The following GLS variants were observed in gnomAD, a reference collection of about 807,000 sequenced individuals.
The protein encoded by GLS is glutaminase, also known as glutaminase kidney isoform, mitochondrial.
Under a neutral mutation model 86.7 loss-of-function variants are expected in GLS, and 36 were observed. The observed-to-expected ratio is 0.42, with a 90% CI of 0.32 to 0.55. The LOEUF (loss-of-function observed/expected upper bound fraction) is 0.55, where lower values mean the gene tolerates loss of function less well. Among genes scored for constraint, GLS ranks in the 20% least tolerant of loss-of-function variants. GLS has a pLI of 0.17. For missense variants in GLS, 528 were observed against 833.4 expected (o/e 0.63, Z 4.51); for synonymous variants, 317 against 305.9 (o/e 1.04, Z -0.38).
intron 14 of GLS, among the ~76,000 whole-genome samples, chr2:190,946,482 A>G (rs1475614655): frequency 1.3e-5 from 2 of 152,162 alleles, no homozygotes; most frequent in East Asian, 3.8e-4. Flanking sequence ...GTAGAAACAG[A>G]AGGATGTTTT....
chr2:190,931,856 T>C (rs1422019566), intron 14 of GLS, among the ~76,000 whole-genome samples: 1 of 152,040 alleles, frequency 6.6e-6, no homozygotes, highest in Non-Finnish European at 1.5e-5. Context: ...TATTTAAATA[T>C]TGCTGTTTTG....
intron 7 of GLS, among the ~76,000 whole-genome samples, chr2:190,915,632 G>A (rs1018599289): frequency 1.3e-5 from 2 of 152,042 alleles, no homozygotes; most frequent in Non-Finnish European, 1.5e-5. Flanking sequence ...TTCTAGATGC[G>A]CCTTTTAAAA....
Position 190,905,796 on chromosome 2 carries a change from A to G in GLS, c.979+629A>G, listed in dbSNP as rs1246507988. Reference sequence around the variant, plus strand: ...TCTAAACATCATTTAGCTGAGTGCAAACTAAGTTAAACTAGTCCCATGGTT... The same window carrying G: ...TCTAAACATCATTTAGCTGAGTGCAGACTAAGTTAAACTAGTCCCATGGTT... On this transcript the variant is annotated intron_variant, in intron 6 of 17. Coordinates refer to ENST00000320717, the MANE Select transcript of GLS (RefSeq NM_014905.5). The surrounding 1 kb of genome is among the most constrained non-coding windows in gnomAD (Gnocchi z 4.6). 1.3e-5 allele frequency among the ~76,000 whole-genome samples: 2 copies of G among 152,110 alleles called. No homozygotes were observed. Among genetic ancestry groups the G allele is most frequent in the African/African-American group, 4.8e-5 (2 of 41,438 alleles).
intron 3 of GLS, among the ~76,000 whole-genome samples, chr2:190,900,022 A>G (rs1000619400): frequency 2.7e-5 from 3 of 113,022 alleles, no homozygotes; most frequent in Non-Finnish European, 4.8e-5. Flanking sequence ...TATTTTTACA[A>G]GCATATCAAC....
In GLS at chr2:190,953,441, A is replaced by G. The variant is rs2124948114; in HGVS notation, c.1651-124A>G. ...TTTTGGCTATGGAAGTGTCCTTGAG[A>G]TCACTTTTTGCACGTGACTCAGCTG... On this transcript the variant is annotated intron_variant, in intron 14 of 17. Coordinates refer to ENST00000320717, the MANE Select transcript of GLS (RefSeq NM_014905.5). The surrounding 1 kb of genome is among the most constrained non-coding windows in gnomAD (Gnocchi z 4.0). 1 of 678,646 alleles carries G rather than the reference A, an allele frequency of 1.5e-6. No homozygotes were observed. The highest frequency in any genetic ancestry group is 1.8e-5 in the South Asian group (1 of 54,916). The allele number at this position is 678,646 out of a possible 1,614,324, so 42.0% of individuals were successfully genotyped here. A position where few individuals can be genotyped will look rare whatever the true frequency, so the allele number is the denominator to read the frequency against.
chr2:190,884,415 A>G (rs1476234842), intron 1 of GLS, among the ~76,000 whole-genome samples: 1 of 152,212 alleles, frequency 6.6e-6, no homozygotes, highest in Non-Finnish European at 1.5e-5. Flanking sequence ...GAGTAATTTT[A>G]GAGTTTTAAT....
intron 14 of GLS, among the ~76,000 whole-genome samples, chr2:190,940,014 A>G (rs1350449262): frequency 2.0e-5 from 3 of 151,848 alleles, no homozygotes. Flanking sequence ...TCAGTTCCGT[A>G]TCTTTATATA....
At chr2:190,901,847 A>G (rs1688952394) in intron 4 of GLS, 100 bp from the exon 5 acceptor site, 4 of 754,464 alleles carry the variant, frequency 5.3e-6, no homozygotes, top group East Asian at 2.6e-5. Flanking sequence ...ATAACTAGTC[A>G]TTGGTAGAAG....
At chr2:190,908,950 AT>A (rs2124864032) in intron 6 of GLS, among the ~76,000 whole-genome samples, 1 of 152,354 alleles carries the variant, frequency 6.6e-6, no homozygotes, top group Non-Finnish European at 1.5e-5. Context: ...GAGTACATAG[AT>A]TAGCAGTCTT....
In GLS at chr2:190,935,229, GTACCTT is replaced by G. The variant is rs1170520559; in HGVS notation, c.1650+3595_1650+3600del. 1 of 799,390 alleles carries G rather than the reference GTACCTT, an allele frequency of 1.3e-6. No homozygotes were observed. Among genetic ancestry groups the G allele is most frequent in the Non-Finnish European group, 1.5e-6 (1 of 660,652 alleles). The allele number at this position is 799,390 out of a possible 1,614,324, so 49.5% of individuals were successfully genotyped here. On this transcript the variant is annotated intron_variant, in intron 14 of 17. Transcript: ENST00000320717. The surrounding 1 kb of genome is among the most constrained non-coding windows in gnomAD (Gnocchi z 4.2). ...TCATTTGCTTTGTATATTTAATAAT[GTACCTT>G]TATTTTCCAGTATGCCTACATTTTG... is the stretch of plus-strand genomic sequence containing the variant.
intron 1 of GLS, among the ~76,000 whole-genome samples, chr2:190,888,167 C>G (rs942927904): frequency 6.6e-6 from 1 of 152,136 alleles, no homozygotes; most frequent in East Asian, 1.9e-4. Context: ...TTGTAAATCT[C>G]TACTGTCTAC....
rs1266001543 is a variant in GLS at position 190,951,476 on chromosome 2, G to A, written c.1651-2089G>A. ...AACCAATGAAAGAGGAAAAGTTAAA[G>A]ATGCTAGAAACAAAGGGGATCAGTG... On this transcript the variant is annotated intron_variant, in intron 14 of 17. Transcript: ENST00000320717. The surrounding 1 kb of genome is among the most constrained non-coding windows in gnomAD (Gnocchi z 4.2). Among the ~76,000 whole-genome samples, 1 of 152,180 alleles carries A rather than the reference G, an allele frequency of 6.6e-6. No homozygotes were observed. The highest frequency in any genetic ancestry group is 1.5e-5 in the Non-Finnish European group (1 of 68,032).
At chr2:190,918,383 C>T (rs182000686) in intron 7 of GLS, among the ~76,000 whole-genome samples, 1 of 152,264 alleles carries the variant, frequency 6.6e-6, no homozygotes, top group Non-Finnish European at 1.5e-5. Context: ...ATGAATCAAC[C>T]TCTGCTAGCT....
intron 1 of GLS, among the ~76,000 whole-genome samples, chr2:190,885,456 C>T (rs1410229663): frequency 2.6e-5 from 4 of 152,172 alleles, no homozygotes; most frequent in Non-Finnish European, 5.9e-5. Context: ...ACCCAAAGTG[C>T]TGGGATTACA....
intron 14 of GLS, chr2:190,933,038 T>A: frequency 9.1e-7 from 1 of 1,097,826 alleles, no homozygotes; most frequent in South Asian, 4.6e-5. Flanking sequence ...GATTAAGAAG[T>A]GCATTTGTTG....
rs1332893573 is a variant in GLS at position 190,949,708 on chromosome 2, AG to A, written c.1651-3854del. Among the ~76,000 whole-genome samples the A allele has an allele frequency of 6.6e-6, 1 of 152,092 alleles. No homozygotes were observed. Among genetic ancestry groups the A allele is most frequent in the East Asian group, 1.9e-4 (1 of 5,188 alleles). ...CCTTGTCTCAAAAAAAATAAAATGC[AG>A]GGTTGGGGGCCGATAGAGGAATTAA... On this transcript the variant is annotated intron_variant, in intron 14 of 17. Transcript: ENST00000320717. This position sits in a 1 kb window ranked among gnomAD's most constrained non-coding sequence, Gnocchi z 4.0.
chr2:190,898,338 A>G (rs934640507), intron 3 of GLS, among the ~76,000 whole-genome samples: 1 of 152,248 alleles, frequency 6.6e-6, no homozygotes, highest in African/African-American at 2.4e-5. Flanking sequence ...AACTGAACAA[A>G]GGACAGAGAT....
intron 1 of GLS, among the ~76,000 whole-genome samples, chr2:190,882,390 A>G (rs1384130495): frequency 3.3e-5 from 5 of 152,180 alleles, no homozygotes; most frequent in African/African-American, 9.7e-5. Flanking sequence ...GCAGTCTCCT[A>G]TATATTTTTG....
rs750424046 is a variant in GLS at position 190,913,795 on chromosome 2, G to A, written c.1038+3474G>A. 92 of 954,452 alleles carry A rather than the reference G, an allele frequency of 9.6e-5. No homozygotes were observed. The highest frequency in any genetic ancestry group is 1.1e-4 in the Non-Finnish European group (91 of 801,938). 59.1% of individuals were successfully genotyped at this position (954,452 alleles called of 1,614,324 possible). On this transcript the variant is annotated intron_variant, in intron 7 of 17. Coordinates refer to ENST00000320717, the MANE Select transcript of GLS (RefSeq NM_014905.5). This position sits in a 1 kb window ranked among gnomAD's most constrained non-coding sequence, Gnocchi z 6.1. ...CTGTCTTCTATGTTTTTACCTCTCAGAGTTTTTTGTTTTTTGTTTTTTAGA... is the reference window on the plus strand; with the variant it reads ...CTGTCTTCTATGTTTTTACCTCTCAAAGTTTTTTGTTTTTTGTTTTTTAGA...
Sources: gnomAD v4.1 joint callset for allele counts (sites outside exome capture counted in the v4.1 genomes callset) on GRCh38, gnomAD v4.1.1 for gene constraint, Gnocchi (gnomAD v3.1) non-coding constraint, MANE v1.5 for transcripts, NCBI Gene and HGNC (gene_info 2026-07-23, HGNC 2026-07-21) for gene names.